The following ZNF558 variants were observed in gnomAD, a reference collection of about 807,000 sequenced individuals.
The protein encoded by ZNF558 is zinc finger protein 558.
A neutral mutation model predicts 37.6 loss-of-function variants in ZNF558; 23 were observed. The observed-to-expected ratio is 0.61, with a 90% CI of 0.44 to 0.87. The LOEUF (loss-of-function observed/expected upper bound fraction) is 0.87. Among genes scored for constraint, ZNF558 ranks in the 40% least tolerant of loss-of-function variants. ZNF558 has a pLI of 0.00. For synonymous variants in ZNF558, 189 were observed against 174.4 expected, an observed-to-expected ratio of 1.08 and a Z score of -0.66; for missense variants, 429 against 483.7, an observed-to-expected ratio of 0.89 and a Z score of 1.06.
At chr19:8,812,084 GATAACT>G in intron 9 of ZNF558, 21 bp from the exon 10 acceptor site, 4 of 1,507,528 alleles carry the variant, frequency 2.7e-6, no homozygotes, top group Non-Finnish European at 3.5e-6. Flanking sequence ...AGAGATGAAT[GATAACT>G]ATAATTTATA....
At chr19:8,832,540 G>A (rs928625179), upstream of ZNF558, 13 of 153,178 alleles carry the variant, frequency 8.5e-5, no homozygotes, top group Admixed American at 3.3e-4. Context: ...TGGCCCTGGG[G>A]GCGGGGCCAG....
chr19:8,812,548 A>C lies in ZNF558; in HGVS notation c.426+13T>G. 1 of 1,536,148 alleles carries C rather than the reference A, an allele frequency of 6.5e-7. No homozygotes were observed. The highest frequency in any genetic ancestry group is 8.7e-7 in the Non-Finnish European group (1 of 1,146,104). On this transcript the variant is annotated intron_variant, in intron 9 of 9. Coordinates refer to ENST00000601372, the MANE Select transcript of ZNF558 (RefSeq NM_144693.3). ...TACTGTAGAAAACCAGAAATCACCCATGTTAGTCTTACCGTTTTTACACCT... is the reference window on the plus strand; with the variant it reads ...TACTGTAGAAAACCAGAAATCACCCCTGTTAGTCTTACCGTTTTTACACCT...
chr19:8,823,288 T>C (rs958050347), intron 4 of ZNF558, among the ~76,000 whole-genome samples: 2 of 145,822 alleles, frequency 1.4e-5, no homozygotes, highest in African/African-American at 4.9e-5. Flanking sequence ...CGGCGTTCAC[T>C]CCTTTTTTCT....
rs190032108 is a variant in ZNF558 at position 8,822,948 on chromosome 19, C to T, written c.-65-224G>A. On this transcript the variant is annotated intron_variant, in intron 4 of 9. Transcript: ENST00000601372. The surrounding 1 kb of genome is among the most constrained non-coding windows in gnomAD (Gnocchi z 4.4). ...ACGACCAGTACCTCCCTGACCCACCCGCTTTGAGAACCTCGGCTTCACGCA... is the reference window on the plus strand; with the variant it reads ...ACGACCAGTACCTCCCTGACCCACCTGCTTTGAGAACCTCGGCTTCACGCA... 3.0e-5 allele frequency: 14 copies of T among 467,916 alleles called. No homozygotes were observed. The highest frequency in any genetic ancestry group is 1.2e-4 in the African/African-American group (6 of 51,558). The allele number at this position is 467,916 out of a possible 1,614,324, so 29.0% of individuals were successfully genotyped here. A position where few individuals can be genotyped will look rare whatever the true frequency, so the allele number is the denominator to read the frequency against.
chr19:8,811,046 T>C lies in ZNF558; in HGVS notation c.*235A>G, dbSNP rs531235444. On this transcript the variant is annotated 3_prime_UTR_variant, in exon 10 of 10. Transcript: ENST00000601372. ...ACTATAGCTTTGGCTGACATCTTGA[T>C]TGTAAGTAAAGGCATGAGAGATCCT... 2 of 442,878 alleles carry C rather than the reference T, an allele frequency of 4.5e-6. No individual in the cohort carries two copies. The highest frequency in any genetic ancestry group is 2.0e-5 in the African/African-American group (1 of 49,954). The allele number at this position is 442,878 out of a possible 1,614,324, so 27.4% of individuals were successfully genotyped here.
chr19:8,834,373 G>A (rs1261861373), upstream of ZNF558, among the ~76,000 whole-genome samples: 1 of 151,788 alleles, frequency 6.6e-6, no homozygotes, highest in Middle Eastern at 3.2e-3. Context: ...ACTTTGGGAG[G>A]CTGAGGCAGG....
At position 8,810,875 on chromosome 19, in the gene ZNF558, T is replaced by C. The variant is rs566372066; in HGVS notation, c.*406A>G. Reference sequence around the variant, plus strand: ...GATCACTAACCTTGGCGAGAACTTATTGCCAAATTGTCAAGGAGCTGGGCC... The same window carrying C: ...GATCACTAACCTTGGCGAGAACTTACTGCCAAATTGTCAAGGAGCTGGGCC... On this transcript the variant is annotated 3_prime_UTR_variant, in exon 10 of 10. Transcript: ENST00000601372. 11 of 165,642 alleles carry C rather than the reference T, an allele frequency of 6.6e-5. No individual in the cohort carries two copies. The highest frequency in any genetic ancestry group is 6.1e-3 in the Middle Eastern group (2 of 330). The allele number at this position is 165,642 out of a possible 1,614,324, so 10.3% of individuals were successfully genotyped here. A position where few individuals can be genotyped will look rare whatever the true frequency, so the allele number is the denominator to read the frequency against.
chr19:8,825,283 A>G (rs2044205901), intron 2 of ZNF558, among the ~76,000 whole-genome samples, 175 bp from the exon 3 acceptor site: 2 of 152,252 alleles, frequency 1.3e-5, no homozygotes, highest in Admixed American at 1.3e-4. Context: ...ACAAGTGACC[A>G]TCAGTAGGGG....
At position 8,822,003 on chromosome 19, in the gene ZNF558, C is replaced by G; in HGVS notation, c.120G>C (p.Arg40=). 6.2e-7 allele frequency: 1 copy of G among 1,613,970 alleles called. No individual in the cohort carries two copies. The highest frequency in any genetic ancestry group is 1.1e-5 in the South Asian group (1 of 91,076). Residue 40 remains arginine (R), a splice_region_variant and synonymous_variant, in exon 6 of 10, where the codon CGG becomes CGC. Transcript: ENST00000601372. This position sits in a 1 kb window ranked among gnomAD's most constrained non-coding sequence, Gnocchi z 4.4. Reference sequence around the variant, plus strand: ...TTGGGAAAAGGAACATCTGACTCACCCGTAGCCAGCTTGTCAGGAGCTCAT... The same window carrying G: ...TTGGGAAAAGGAACATCTGACTCACGCGTAGCCAGCTTGTCAGGAGCTCAT... ...LVNELLTSWL[R]GLVTFEDVAV... is the part of the protein sequence containing the mutation.
rs890564246 is a variant in ZNF558 at position 8,809,450 on chromosome 19, G to A, written c.*1831C>T. 5.9e-5 allele frequency: 9 copies of A among 152,048 alleles called. No individual in the cohort carries two copies. Among genetic ancestry groups the A allele is most frequent in the African/African-American group, 1.9e-4 (8 of 41,380 alleles). The allele number at this position is 152,048 out of a possible 1,614,324, so 9.4% of individuals were successfully genotyped here. On this transcript the variant is annotated 3_prime_UTR_variant, in exon 10 of 10. Transcript: ENST00000601372. The stretch of plus-strand genomic sequence containing the variant: ...GAACAACATGTTTGTTTCTTTAAAC[G>A]AATAAACTGAAGAGAACGGACACTG...
At position 8,822,546 on chromosome 19, in the gene ZNF558, G is replaced by T; in HGVS notation, c.31+83C>A. ...GCTCCACTCCTGCCTCACCTGCTCTGCCCAACCCCGCTCGTGTCCCATGCT... is the reference window on the plus strand; with the variant it reads ...GCTCCACTCCTGCCTCACCTGCTCTTCCCAACCCCGCTCGTGTCCCATGCT... On this transcript the variant is annotated intron_variant, in intron 5 of 9. Transcript: ENST00000601372. This position sits in a 1 kb window ranked among gnomAD's most constrained non-coding sequence, Gnocchi z 4.4. 1 of 1,599,236 alleles carries T rather than the reference G, an allele frequency of 6.3e-7. No homozygotes were observed. The highest frequency in any genetic ancestry group is 8.6e-7 in the Non-Finnish European group (1 of 1,167,890).
chr19:8,827,512 G>A (rs1296308132), intron 2 of ZNF558, among the ~76,000 whole-genome samples: 4 of 151,004 alleles, frequency 2.6e-5, no homozygotes, highest in Non-Finnish European at 5.9e-5. Context: ...CTGAAGTGAG[G>A]CCTAGTATGG....
chr19:8,813,048 A>G, intron 8 of ZNF558, 79 bp downstream of exon 8: 1 of 1,110,522 alleles, frequency 9.0e-7, no homozygotes, highest in Non-Finnish European at 1.3e-6. Flanking sequence ...GATTGACATG[A>G]ACTAATGTAA....
chr19:8,814,343 C>A (rs1184284937), intron 7 of ZNF558, among the ~76,000 whole-genome samples: 1 of 152,122 alleles, frequency 6.6e-6, no homozygotes, highest in Non-Finnish European at 1.5e-5. Flanking sequence ...TTATCTAACT[C>A]CAAATTCTTT....
Position 8,822,645 on chromosome 19 carries a change from GA to G in ZNF558, c.14del (p.Ile5ThrfsTer31). On this transcript the variant is annotated frameshift_variant, in exon 5 of 10. Transcript: ENST00000601372. LOFTEE classifies it high-confidence loss of function. The surrounding 1 kb of genome is among the most constrained non-coding windows in gnomAD (Gnocchi z 4.4). Reference protein sequence around the residue: MAAVILPSTAAPSSL... With the variant: MAAVXLPSTAAPSSL... ...ACGACTCACCAGCAGTCGAGGGCAG[GA>G]TGACAGCCGCCATCCTGTGACTCCG... 1 of 1,614,048 alleles carries G rather than the reference GA, an allele frequency of 6.2e-7. No homozygotes were observed. Among genetic ancestry groups the G allele is most frequent in the East Asian group, 2.2e-5 (1 of 44,858 alleles).
chr19:8,836,252 A>C (rs2044454079), upstream of ZNF558, among the ~76,000 whole-genome samples: 1 of 152,212 alleles, frequency 6.6e-6, no homozygotes, highest in African/African-American at 2.4e-5. Context: ...GAAAAATAAA[A>C]TACTACATAA....
In ZNF558 at chr19:8,828,377, G is replaced by C. The variant is rs528463717; in HGVS notation, c.-509+2941C>G. Among the ~76,000 whole-genome samples, 492 of 152,300 alleles carry C rather than the reference G, an allele frequency of 3.2e-3. 6 individuals carry two copies. The highest frequency in any genetic ancestry group is 6.0e-3 in the Non-Finnish European group (408 of 68,034). ...TGGCTCAGAGACCCCAGATAAGCGG[G>C]ACATGAAGGCTGAGCTTCAGCGTTC... On this transcript the variant is annotated intron_variant, in intron 2 of 9. Transcript: ENST00000601372.
At chr19:8,812,738 T>C (rs977213747) in intron 8 of ZNF558, 95 bp from the exon 9 acceptor site, 9 of 687,930 alleles carry the variant, frequency 1.3e-5, no homozygotes, top group Middle Eastern at 3.9e-4. Flanking sequence ...TCAGGGTTTT[T>C]GAGGATGTTT....
chr19:8,815,797 A>AAGAGAG (rs145744383), intron 7 of ZNF558, among the ~76,000 whole-genome samples: 2 of 148,046 alleles, frequency 1.4e-5, no homozygotes, highest in African/African-American at 5.0e-5. Context: ...CTCAAAGATA[A>AAGAGAG]AGAGAGAGAG....
Sources: allele counts gnomAD v4.1 joint callset (sites outside exome capture counted in the v4.1 genomes callset), GRCh38; gene constraint gnomAD v4.1.1; non-coding constraint Gnocchi (gnomAD v3.1); transcripts MANE v1.5; gene names NCBI Gene and HGNC (gene_info 2026-07-23, HGNC 2026-07-21).